Variants in PDS5B observed in about 807,000 individuals in gnomAD.
PDS5B encodes PDS5 cohesin associated factor B.
PDS5B carries 51 observed loss-of-function variants against 184.1 expected under a neutral mutation model. That is an observed-to-expected ratio of 0.28 (90% CI 0.22 to 0.35). The LOEUF (loss-of-function observed/expected upper bound fraction) is 0.35. Among genes scored for constraint, PDS5B ranks in the 10% least tolerant of loss-of-function variants. The pLI, the probability that PDS5B is intolerant of heterozygous loss-of-function variation, is 1.00. For missense variants in PDS5B, 1,180 were observed against 1,723.3 expected (o/e 0.68, Z 5.58); for synonymous variants, 566 against 569.2 (o/e 0.99, Z 0.08).
At chr13:32,648,572 G>A (rs764234377) in intron 1 of PDS5B, among the ~76,000 whole-genome samples, 182 bp from the exon 2 acceptor site, 23 of 152,094 alleles carry the variant, frequency 1.5e-4, no homozygotes, top group Admixed American at 3.3e-4. Flanking sequence ...AATAAGTTTT[G>A]TTTTTCTAAA....
At chr13:32,765,897 C>T (rs941376745) in intron 31 of PDS5B, among the ~76,000 whole-genome samples, 8 of 152,184 alleles carry the variant, frequency 5.3e-5, no homozygotes, top group East Asian at 1.9e-4. Flanking sequence ...CCATACTGCC[C>T]GCTGTGAAAG....
At chr13:32,605,062 G>A (rs1055806243) in intron 1 of PDS5B, among the ~76,000 whole-genome samples, 1 of 152,082 alleles carries the variant, frequency 6.6e-6, no homozygotes, top group Admixed American at 6.6e-5. Flanking sequence ...GGTTTTTTGT[G>A]TCTCTATCTC....
At position 32,678,690 on chromosome 13, in the gene PDS5B, C is replaced by T. The variant is rs533825238; in HGVS notation, c.963-145C>T. The T allele has an allele frequency of 4.0e-5, 23 of 579,960 alleles. No individual in the cohort carries two copies. In the African/African-American group the frequency reaches 4.3e-4, roughly 11 times the overall value. 35.9% of individuals were successfully genotyped at this position (579,960 alleles called of 1,614,324 possible). On this transcript the variant is annotated intron_variant, in intron 9 of 34. Transcript: ENST00000315596. ...TTCAGACATACATGTATATCAGAAACTTTGTAAAATGGTTTGGTTCTACTT... is the reference window on the plus strand; with the variant it reads ...TTCAGACATACATGTATATCAGAAATTTTGTAAAATGGTTTGGTTCTACTT...
chr13:32,610,175 T>C (rs2058119977), intron 1 of PDS5B, among the ~76,000 whole-genome samples: 1 of 152,142 alleles, frequency 6.6e-6, no homozygotes, highest in Non-Finnish European at 1.5e-5. Flanking sequence ...AGATCATCAG[T>C]TGAGAATGAC....
chr13:32,768,287 G>C (rs914241616), intron 31 of PDS5B, among the ~76,000 whole-genome samples: 9 of 152,104 alleles, frequency 5.9e-5, no homozygotes, highest in Non-Finnish European at 8.8e-5. Context: ...TGAGAGGTGT[G>C]GGGTGGGAGG....
chr13:32,726,207 T>G (rs1952894835), intron 19 of PDS5B, among the ~76,000 whole-genome samples: 1 of 151,640 alleles, frequency 6.6e-6, no homozygotes, highest in Admixed American at 6.6e-5. Context: ...TGTATGCACA[T>G]TTGATAAAAT....
chr13:32,732,034 A>C, intron 19 of PDS5B, 67 bp from the exon 20 acceptor site: 1 of 1,303,660 alleles, frequency 7.7e-7, no homozygotes. Context: ...TACAAATATT[A>C]AAGTATCTAG....
At chr13:32,745,913 T>A in intron 23 of PDS5B, 64 bp from the exon 24 acceptor site, 1 of 1,286,032 alleles carries the variant, frequency 7.8e-7, no homozygotes, top group Non-Finnish European at 1.1e-6. Flanking sequence ...TAAAATTAGA[T>A]GTACAGAAGA....
intron 1 of PDS5B, among the ~76,000 whole-genome samples, chr13:32,596,712 G>C (rs1018097025): frequency 6.6e-6 from 1 of 152,024 alleles, no homozygotes; most frequent in Non-Finnish European, 1.5e-5. Context: ...GTATCTCATT[G>C]TGGTTTTATT....
chr13:32,695,471 T>C (rs1951674449), intron 14 of PDS5B, among the ~76,000 whole-genome samples: 1 of 152,018 alleles, frequency 6.6e-6, no homozygotes, highest in Admixed American at 6.6e-5. Context: ...TCATTAATAA[T>C]CTCTGGATAA....
At chr13:32,667,026 T>A (rs1950815812) in intron 6 of PDS5B, among the ~76,000 whole-genome samples, 1 of 151,974 alleles carries the variant, frequency 6.6e-6, no homozygotes, top group South Asian at 2.1e-4. Flanking sequence ...TTAGTATGAA[T>A]GAAATAATAA....
At position 32,755,883 on chromosome 13, in the gene PDS5B, A is replaced by G; in HGVS notation, c.2983A>G (p.Thr995Ala). 6.4e-7 allele frequency: 1 copy of G among 1,574,028 alleles called. No homozygotes were observed. Residue 995 changes from threonine to alanine, a missense_variant, in exon 26 of 35, where the codon ACA (threonine) becomes GCA (alanine). Physicochemically the swap from Thr to Ala is moderately conservative, Grantham distance 58 (BLOSUM62 0). Around this residue, in one of 11 missense-constraint regions of PDS5B, gnomAD observed 57 missense variants for 80.9 expected, o/e 0.70. Transcript: ENST00000315596. ...TCTACCAGAGTATGTTGTTCCATAT[A>G]CAATTCACCTTTTGGCACATGACCC... The part of the protein sequence containing the change: ...SLLPEYVVPY[T>A]IHLLAHDPDY...
At chr13:32,606,593 C>A (rs2058064146) in intron 1 of PDS5B, among the ~76,000 whole-genome samples, 1 of 152,116 alleles carries the variant, frequency 6.6e-6, no homozygotes, top group African/African-American at 2.4e-5. Context: ...CTCTGTATTT[C>A]CTGAATTTGA....
chr13:32,647,115 C>T (rs557244452), intron 1 of PDS5B, among the ~76,000 whole-genome samples: 4 of 152,274 alleles, frequency 2.6e-5, no homozygotes, highest in Admixed American at 2.0e-4. Flanking sequence ...TATTTGGCCT[C>T]TGCTTCAATC....
rs373479620 is a variant in PDS5B at position 32,764,600 on chromosome 13, A to G, written c.3624+6A>G. ...ACGACTCTGATCTTGTAAGGGTGAG[A>G]TATTTGCATTGATTTTATAATAATA... On this transcript the variant is annotated splice_donor_region_variant and intron_variant, in intron 31 of 34. Coordinates refer to ENST00000315596, the MANE Select transcript of PDS5B (RefSeq NM_015032.4). The G allele has an allele frequency of 1.7e-4, 257 of 1,479,628 alleles. No homozygotes were observed. Among genetic ancestry groups the G allele is most frequent in the Non-Finnish European group, 2.3e-4 (252 of 1,074,346 alleles). The allele number at this position is 1,479,628 out of a possible 1,614,324, so 91.7% of individuals were successfully genotyped here.
At chr13:32,641,056 CAAAAAAAAAA>C (rs71194532) in intron 1 of PDS5B, among the ~76,000 whole-genome samples, 1 of 95,020 alleles carries the variant, frequency 1.1e-5, no homozygotes, top group African/African-American at 3.4e-5. Flanking sequence ...GACTCCGTCT[CAAAAAAAAAA>C]AAAAAAAAAT....
intron 1 of PDS5B, among the ~76,000 whole-genome samples, chr13:32,592,600 G>A (rs1009504520): frequency 2.0e-5 from 3 of 152,070 alleles, no homozygotes; most frequent in African/African-American, 7.2e-5. Context: ...CTGTCTCTTT[G>A]GTACTATTCC....
At chr13:32,772,653 T>C (rs2141044323) in intron 33 of PDS5B, among the ~76,000 whole-genome samples, 1 of 152,260 alleles carries the variant, frequency 6.6e-6, no homozygotes, top group East Asian at 1.9e-4. Flanking sequence ...TTGTATACTT[T>C]GTTAAGGAGG....
intron 13 of PDS5B, 59 bp downstream of exon 13, chr13:32,688,628 G>A: frequency 9.7e-7 from 1 of 1,025,930 alleles, no homozygotes; most frequent in Non-Finnish European, 1.5e-6. Context: ...TGGATTTTAT[G>A]GAAAAGAAAC....
Sources: gnomAD v4.1 joint callset for allele counts (sites outside exome capture counted in the v4.1 genomes callset) on GRCh38, gnomAD v4.1.1 for gene constraint, gnomAD v4.1.1 regional missense constraint, MANE v1.5 for transcripts, NCBI Gene and HGNC (gene_info 2026-07-23, HGNC 2026-07-21) for gene names.